The following AUTS2 variants were observed in gnomAD, a reference collection of about 807,000 sequenced individuals.
AUTS2 encodes autism susceptibility gene 2 protein.
In AUTS2, 17 loss-of-function variants were observed where a neutral mutation model predicts 112.4. The ratio of observed to expected loss-of-function variants is 0.15; its 90% CI spans 0.10 to 0.23. The LOEUF (loss-of-function observed/expected upper bound fraction) is 0.23. Among genes scored for constraint, AUTS2 ranks in the 10% least tolerant of loss-of-function variants. The probability of loss-of-function intolerance (pLI) is 1.00; values close to 1 mark genes in which losing one functional copy is unlikely to be tolerated. For missense variants in AUTS2, 1,510 were observed against 1,701.6 expected, an observed-to-expected ratio of 0.89 and a Z score of 1.98; for synonymous variants, 751 against 702.7, an observed-to-expected ratio of 1.07 and a Z score of -1.09.
chr7:69,603,316 G>C (rs1792536499), intron 1 of AUTS2, among the ~76,000 whole-genome samples: 2 of 152,166 alleles, frequency 1.3e-5, no homozygotes, highest in African/African-American at 4.8e-5. Flanking sequence ...GCTGGTTTTG[G>C]ACTTCTCTTT....
Position 70,737,034 on chromosome 7 carries a change from A to C in AUTS2, c.743-25836A>C, listed in dbSNP as rs112826151. Reference sequence around the variant, plus strand: ...CCCATTAGTCAAAAGTTTTACTCTCAAGTGACTAAAACGTTACTCATAACT... The same window carrying C: ...CCCATTAGTCAAAAGTTTTACTCTCCAGTGACTAAAACGTTACTCATAACT... On this transcript the variant is annotated intron_variant, in intron 6 of 18. Coordinates refer to ENST00000342771, the MANE Select transcript of AUTS2 (RefSeq NM_015570.4). Among the ~76,000 whole-genome samples, 200 of 152,338 alleles carry C rather than the reference A, an allele frequency of 1.3e-3. 2 individuals carry two copies. The highest frequency in any genetic ancestry group is 7.9e-3 in the South Asian group (38 of 4,824).
At chr7:70,788,300 ATG>A (rs148160530) in intron 18 of AUTS2, among the ~76,000 whole-genome samples, 20 of 152,162 alleles carry the variant, frequency 1.3e-4, no homozygotes, top group Middle Eastern at 6.8e-3. Flanking sequence ...CCGTGTATGT[ATG>A]TGTGTGTGTA....
intron 5 of AUTS2, among the ~76,000 whole-genome samples, chr7:70,695,885 A>G (rs970753130): frequency 3.3e-5 from 5 of 152,168 alleles, no homozygotes; most frequent in African/African-American, 1.2e-4. Flanking sequence ...CCTACCCTCC[A>G]AAACCGAGCG....
intron 1 of AUTS2, among the ~76,000 whole-genome samples, chr7:69,604,458 A>C (rs560276530): frequency 6.6e-6 from 1 of 152,376 alleles, no homozygotes; most frequent in African/African-American, 2.4e-5. Context: ...CTATGAAATA[A>C]TTTTGAAACA....
At chr7:69,613,987 TA>T (rs1793183648) in intron 1 of AUTS2, among the ~76,000 whole-genome samples, 1 of 152,188 alleles carries the variant, frequency 6.6e-6, no homozygotes, top group African/African-American at 2.4e-5. Flanking sequence ...TCCACCCTGT[TA>T]AGGTTTGTTT....
chr7:69,668,361 T>A (rs1041198480), intron 1 of AUTS2, among the ~76,000 whole-genome samples: 1 of 152,212 alleles, frequency 6.6e-6, no homozygotes, highest in Non-Finnish European at 1.5e-5. Context: ...AAAAATATTT[T>A]CTGAGAATGC....
chr7:70,549,700 T>C (rs949989018), intron 5 of AUTS2, among the ~76,000 whole-genome samples: 3 of 152,140 alleles, frequency 2.0e-5, no homozygotes, highest in Non-Finnish European at 4.4e-5. Context: ...TCTTAAAAAA[T>C]TTTTTAAAAA....
intron 1 of AUTS2, among the ~76,000 whole-genome samples, chr7:69,849,580 A>T (rs909925398): frequency 2.6e-5 from 4 of 152,102 alleles, no homozygotes; most frequent in Middle Eastern, 3.4e-3. Context: ...CCATCTTTAT[A>T]AATTTTATTC....
chr7:70,117,117 GTTTT>G (rs60488343), intron 2 of AUTS2, among the ~76,000 whole-genome samples: 19 of 73,090 alleles, frequency 2.6e-4, no homozygotes, highest in Admixed American at 1.1e-3. Context: ...TTTTTTTTTT[GTTTT>G]TTTTTGTTTT....
intron 1 of AUTS2, among the ~76,000 whole-genome samples, chr7:69,670,114 C>G (rs755608028): frequency 6.6e-6 from 1 of 152,152 alleles, no homozygotes; most frequent in African/African-American, 2.4e-5. Flanking sequence ...GCCCTTCCAC[C>G]CCCAGACTGT....
chr7:70,580,107 G>T (rs1802364809), intron 5 of AUTS2, among the ~76,000 whole-genome samples: 2 of 152,094 alleles, frequency 1.3e-5, no homozygotes. Flanking sequence ...ACTCGGTGGT[G>T]TGCACTGGGC....
chr7:70,388,210 C>T (rs1264771320), intron 4 of AUTS2, among the ~76,000 whole-genome samples: 1 of 152,120 alleles, frequency 6.6e-6, no homozygotes, highest in Non-Finnish European at 1.5e-5. Flanking sequence ...ATTTCTCTCT[C>T]CTTTGATTTT....
chr7:70,666,471 G>A (rs1189431621), intron 5 of AUTS2, among the ~76,000 whole-genome samples: 3 of 152,152 alleles, frequency 2.0e-5, no homozygotes, highest in African/African-American at 4.8e-5. Context: ...TCCACGACTG[G>A]AAGAAGGCGA....
intron 5 of AUTS2, among the ~76,000 whole-genome samples, chr7:70,616,428 A>G (rs1804369049): frequency 6.6e-6 from 1 of 152,182 alleles, no homozygotes; most frequent in South Asian, 2.1e-4. Flanking sequence ...GTGCTGAGGT[A>G]CCATTCGGCT....
At chr7:69,820,567 G>A (rs1437568239) in intron 1 of AUTS2, among the ~76,000 whole-genome samples, 1 of 152,226 alleles carries the variant, frequency 6.6e-6, no homozygotes. Context: ...AGAATTAAGG[G>A]CTTCCTATAG....
At chr7:70,283,028 T>G (rs185574061) in intron 4 of AUTS2, among the ~76,000 whole-genome samples, 1 of 152,322 alleles carries the variant, frequency 6.6e-6, no homozygotes, top group African/African-American at 2.4e-5. Flanking sequence ...GATGAGAAGT[T>G]TATGTCATTT....
chr7:70,457,032 G>A (rs1401644643), intron 5 of AUTS2, among the ~76,000 whole-genome samples: 2 of 152,196 alleles, frequency 1.3e-5, no homozygotes, highest in Non-Finnish European at 2.9e-5. Context: ...TTATTAATGT[G>A]TTCTATTTTC....
chr7:70,519,737 C>T (rs1585247747), intron 5 of AUTS2, among the ~76,000 whole-genome samples: 1 of 152,160 alleles, frequency 6.6e-6, no homozygotes, highest in Non-Finnish European at 1.5e-5. Flanking sequence ...GCAGTTGTGA[C>T]TTGCCTGAGG....
chr7:69,707,723 G>C (rs1798131525), intron 1 of AUTS2, among the ~76,000 whole-genome samples: 1 of 152,210 alleles, frequency 6.6e-6, no homozygotes, highest in East Asian at 1.9e-4. Context: ...GGTTTTGACT[G>C]TCAACTGGAT....
Sources: gnomAD v4.1 joint callset for allele counts (sites outside exome capture counted in the v4.1 genomes callset) on GRCh38, gnomAD v4.1.1 for gene constraint, MANE v1.5 for transcripts, NCBI Gene and HGNC (gene_info 2026-07-23, HGNC 2026-07-21) for gene names.